Variants in PEBP1 observed in about 807,000 individuals in gnomAD.
PEBP1 encodes phosphatidylethanolamine binding protein 1.
PEBP1 carries 17 observed loss-of-function variants against 22.7 expected under a neutral mutation model. That is an observed-to-expected ratio of 0.75 (90% CI 0.51 to 1.12). The LOEUF (loss-of-function observed/expected upper bound fraction) is 1.12. PEBP1 is among the 50% of genes most tolerant of loss of function. The pLI, the probability that PEBP1 is intolerant of heterozygous loss-of-function variation, is 0.00. For synonymous variants in PEBP1, 106 were observed against 104.3 expected (o/e 1.02, Z -0.10); for missense variants, 205 against 243.5 (o/e 0.84, Z 1.05).
rs779398214 is a variant in PEBP1, at chr12:118,138,190, T to C, written c.245+42T>C. 6.7e-6 allele frequency: 9 copies of C among 1,339,850 alleles called. No individual in the cohort carries two copies. In the South Asian group the frequency reaches 1.1e-4, roughly 16 times the overall value. The allele number at this position is 1,339,850 out of a possible 1,614,324, so 83.0% of individuals were successfully genotyped here. On this transcript the variant is annotated intron_variant, in intron 2 of 3. Transcript: ENST00000261313. ...ACGAGAAGAGCAGGTCATGCAGAGA[T>C]GAGTTATCGGGTGTAAGTCCCTTGC...
intron 1 of PEBP1, 30 bp from the exon 2 acceptor site, chr12:118,138,009 T>G: frequency 1.3e-6 from 2 of 1,528,818 alleles, no homozygotes; most frequent in Non-Finnish European, 1.8e-6. Context: ...ATTTCTGACT[T>G]TTTTACTGCA....
intron 3 of PEBP1, among the ~76,000 whole-genome samples, chr12:118,140,060 A>G (rs1177029327): frequency 3.3e-5 from 5 of 151,684 alleles, no homozygotes; most frequent in African/African-American, 4.8e-5. Flanking sequence ...GAAGGCGCAC[A>G]CACACACACA....
rs865855017 is a variant in PEBP1, at chr12:118,136,556, A to G, written c.135+212A>G. ...AACCCGGCCTGTGGCGTGGCCAGGCAGGTTCGGCCTGCGGCAGAAATTCAT... is the reference window on the plus strand; with the variant it reads ...AACCCGGCCTGTGGCGTGGCCAGGCGGGTTCGGCCTGCGGCAGAAATTCAT... On this transcript the variant is annotated intron_variant, in intron 1 of 3. Coordinates refer to ENST00000261313, the MANE Select transcript of PEBP1 (RefSeq NM_002567.4). The surrounding 1 kb of genome is among the most constrained non-coding windows in gnomAD (Gnocchi z 5.6). Among the ~76,000 whole-genome samples the G allele has an allele frequency of 6.2e-4, 94 of 152,328 alleles. 2 individuals are homozygous for G. Among genetic ancestry groups the G allele is most frequent in the Middle Eastern group, 3.4e-3 (1 of 294 alleles).
chr12:118,143,710 G>A (rs2034132054), intron 3 of PEBP1, among the ~76,000 whole-genome samples: 1 of 152,098 alleles, frequency 6.6e-6, no homozygotes, highest in African/African-American at 2.4e-5. Flanking sequence ...CCAACATGGT[G>A]AAACCTGGTC....
rs1051077 is a variant in PEBP1, at chr12:118,145,103, C to T, written c.*300C>T. 59,893 of 950,446 alleles carry T rather than the reference C, an allele frequency of 0.063. 2,155 individuals carry two copies. Among genetic ancestry groups the T allele is most frequent in the African/African-American group, 0.12 (6,813 of 57,362 alleles). 58.9% of individuals were successfully genotyped at this position (950,446 alleles called of 1,614,324 possible). A position where few individuals can be genotyped will look rare whatever the true frequency, so the allele number is the denominator to read the frequency against. On this transcript the variant is annotated 3_prime_UTR_variant, in exon 4 of 4. Transcript: ENST00000261313. The stretch of plus-strand genomic sequence containing the variant: ...AACCCAGAATGTAAAAAAGAAAAAA[C>T]TGGGGGGAAAAAGACCAGGTCTACA...
intron 3 of PEBP1, 51 bp downstream of exon 3, chr12:118,139,602 C>A: frequency 8.9e-7 from 1 of 1,119,100 alleles, no homozygotes; most frequent in African/African-American, 1.5e-5. Flanking sequence ...CTCGGGGGCA[C>A]ATTAGGATTG....
chr12:118,144,725 C>A lies in PEBP1; in HGVS notation c.486C>A (p.Ala162=). 3.1e-6 allele frequency: 5 copies of A among 1,614,090 alleles called. No individual in the cohort carries two copies. Among genetic ancestry groups the A allele is most frequent in the African/African-American group, 1.3e-5 (1 of 75,016 alleles). The change falls in exon 4 of 4, where the codon GCC becomes GCA. Residue 162 remains alanine, a synonymous_variant. Transcript: ENST00000261313. ...ASFRKKYELR[A]PVAGTCYQAE... is the part of the protein sequence containing the mutation. ...TCCGTAAAAAGTATGAGCTCAGGGCCCCGGTGGCTGGCACGTGTTACCAGG... is the reference window on the plus strand; with the variant it reads ...TCCGTAAAAAGTATGAGCTCAGGGCACCGGTGGCTGGCACGTGTTACCAGG...
chr12:118,141,206 T>C (rs954304609), intron 3 of PEBP1, among the ~76,000 whole-genome samples: 1 of 151,794 alleles, frequency 6.6e-6, no homozygotes, highest in Non-Finnish European at 1.5e-5. Context: ...AACCTCTACC[T>C]CCTGTGTTCA....
rs374392598 is a variant in PEBP1 at position 118,142,826 on chromosome 12, CTTTTTTTTTTTTT to C, written c.347-1741_347-1729del. ...ACTACAGTAGCGTTAACTACATTCA[CTTTTTTTTTTTTT>C]TTTTTTTTTTTTTTTTTTGAGATAG... On this transcript the variant is annotated intron_variant, in intron 3 of 3. Transcript: ENST00000261313. 2.2e-3 allele frequency among the ~76,000 whole-genome samples: 205 copies of C among 93,622 alleles called. 1 individual carries two copies. The highest frequency in any genetic ancestry group is 0.018 in the East Asian group (48 of 2,710). 61.4% of individuals were successfully genotyped at this position (93,622 alleles called of 152,430 possible). A position where few individuals can be genotyped will look rare whatever the true frequency, so the allele number is the denominator to read the frequency against.
At chr12:118,141,118 T>C (rs2034110052) in intron 3 of PEBP1, among the ~76,000 whole-genome samples, 1 of 151,740 alleles carries the variant, frequency 6.6e-6, no homozygotes. Flanking sequence ...ACTTTCACTA[T>C]TCTTTTTTTT....
In PEBP1 at chr12:118,144,597, T is replaced by C. The variant is rs771606953; in HGVS notation, c.358T>C (p.Tyr120His). ...GPPKGTGLHR[Y>H]VWLVYEQDRP... ...GCCTCTCCCCACAGGCCTCCACCGC[T>C]ATGTCTGGCTGGTTTACGAGCAGGA... The change falls in exon 4 of 4, where the codon TAT (tyrosine) becomes CAT (histidine). Residue 120 changes from tyrosine to histidine, a missense_variant. Tyr to His is a moderately conservative substitution (Grantham distance 83, BLOSUM62 2). Coordinates refer to ENST00000261313, the MANE Select transcript of PEBP1 (RefSeq NM_002567.4). The C allele has an allele frequency of 2.5e-6, 4 of 1,613,242 alleles. No homozygotes were observed. The highest frequency in any genetic ancestry group is 3.3e-5 in the Admixed American group (2 of 59,868).
Position 118,142,826 on chromosome 12 carries a change from CTTTTTTTTTTTTTTT to C in PEBP1, c.347-1743_347-1729del, listed in dbSNP as rs374392598. Among the ~76,000 whole-genome samples the C allele has an allele frequency of 5.8e-3, 542 of 93,634 alleles. 6 individuals carry two copies. The highest frequency in any genetic ancestry group is 0.023 in the African/African-American group (509 of 22,316). The allele number at this position is 93,634 out of a possible 152,430, so 61.4% of individuals were successfully genotyped here. A position where few individuals can be genotyped will look rare whatever the true frequency, so the allele number is the denominator to read the frequency against. On this transcript the variant is annotated intron_variant, in intron 3 of 3. Transcript: ENST00000261313. ...ACTACAGTAGCGTTAACTACATTCA[CTTTTTTTTTTTTTTT>C]TTTTTTTTTTTTTTTTGAGATAGGG...
chr12:118,136,348 C>T lies in PEBP1; in HGVS notation c.135+4C>T, dbSNP rs1250581946. The T allele has an allele frequency of 3.9e-6, 6 of 1,539,044 alleles. No homozygotes were observed. Among genetic ancestry groups the T allele is most frequent in the Non-Finnish European group, 5.2e-6 (6 of 1,145,464 alleles). On this transcript the variant is annotated splice_donor_region_variant and intron_variant, in intron 1 of 3. Coordinates refer to ENST00000261313, the MANE Select transcript of PEBP1 (RefSeq NM_002567.4). The surrounding 1 kb of genome is among the most constrained non-coding windows in gnomAD (Gnocchi z 5.6). ...CAAAGTGCTGACGCCCACCCAGGTA[C>T]ACCGGGCGGCGGGCGTGCAGCGAGC...
intron 3 of PEBP1, among the ~76,000 whole-genome samples, chr12:118,141,599 T>C (rs1024855384): frequency 2.0e-5 from 3 of 152,156 alleles, no homozygotes; most frequent in African/African-American, 7.2e-5. Flanking sequence ...CCAGGCATGG[T>C]GGCATACGTC....
chr12:118,139,708 T>C (rs1156977916), intron 3 of PEBP1, among the ~76,000 whole-genome samples, 157 bp downstream of exon 3: 1 of 152,186 alleles, frequency 6.6e-6, no homozygotes, highest in Non-Finnish European at 1.5e-5. Context: ...CATTCAGACC[T>C]GCAGCAGTGT....
intron 3 of PEBP1, among the ~76,000 whole-genome samples, chr12:118,142,826 C>CTTTTTTTTTTTTT (rs374392598): frequency 1.1e-5 from 1 of 93,636 alleles, no homozygotes; most frequent in South Asian, 4.3e-4. Flanking sequence ...ACTACATTCA[C>CTTTTTTTTTTTTT]TTTTTTTTTT....
Position 118,136,278 on chromosome 12 carries a change from C to T in PEBP1, c.69C>T (p.His23=), listed in dbSNP as rs373940421. The change falls in exon 1 of 4, where the codon CAC becomes CAT. Residue 23 remains histidine, a synonymous_variant. Coordinates refer to ENST00000261313, the MANE Select transcript of PEBP1 (RefSeq NM_002567.4). The surrounding 1 kb of genome is among the most constrained non-coding windows in gnomAD (Gnocchi z 5.6). ...AAGAAGTGGACGAGCAGCCGCAGCA[C>T]CCGCTGCATGTCACCTACGCCGGGG... ...SLQEVDEQPQ[H]PLHVTYAGAA... 63 of 1,547,142 alleles carry T rather than the reference C, an allele frequency of 4.1e-5. 2 individuals are homozygous for T. The African/African-American group carries it at 5.9e-4, about 14-fold the overall frequency.
chr12:118,141,272 A>G (rs1373921112), intron 3 of PEBP1, among the ~76,000 whole-genome samples: 4 of 151,850 alleles, frequency 2.6e-5, no homozygotes, highest in Admixed American at 6.6e-5. Flanking sequence ...GCCCACCACC[A>G]CGCCCAGCTA....
At chr12:118,144,044 T>G (rs1156393474) in intron 3 of PEBP1, among the ~76,000 whole-genome samples, 1 of 152,230 alleles carries the variant, frequency 6.6e-6, no homozygotes, top group East Asian at 1.9e-4. Flanking sequence ...TCCAGTTTTC[T>G]AAGCAAGTAA....
Sources: allele counts gnomAD v4.1 joint callset (sites outside exome capture counted in the v4.1 genomes callset), GRCh38; gene constraint gnomAD v4.1.1; non-coding constraint Gnocchi (gnomAD v3.1); transcripts MANE v1.5; gene names NCBI Gene and HGNC (gene_info 2026-07-23, HGNC 2026-07-21).